Variants in SH3TC1 observed in about 807,000 individuals in gnomAD.
The protein encoded by SH3TC1 is SH3 domain and tetratricopeptide repeats 1.
Under a neutral mutation model 117.3 loss-of-function variants are expected in SH3TC1, and 135 were observed. The ratio of observed to expected loss-of-function variants is 1.15; its 90% CI spans 1.00 to 1.33. SH3TC1 has a LOEUF of 1.33. Among genes scored for constraint, SH3TC1 ranks in the 40% most tolerant of loss-of-function variants. The pLI is 0.00. For synonymous variants in SH3TC1, 898 were observed against 816.9 expected (o/e 1.10, Z -1.69); for missense variants, 2,092 against 1,794.3 (o/e 1.17, Z -3.00).
upstream of SH3TC1, among the ~76,000 whole-genome samples, chr4:8,195,350 C>T (rs138392543): frequency 1.2e-3 from 186 of 152,218 alleles, no homozygotes; most frequent in Non-Finnish European, 2.2e-3. Flanking sequence ...AGCTGGGGTT[C>T]GGACAGGTCC....
At position 8,219,313 on chromosome 4, in the gene SH3TC1, A is replaced by C. The variant is rs201543520; in HGVS notation, c.917-22A>C. 2.6e-6 allele frequency: 4 copies of C among 1,559,842 alleles called. No individual in the cohort carries two copies. The South Asian group carries it at 3.6e-5, about 14-fold the overall frequency. ...CCCCCATTTGGTCTCCCTGGCACTC[A>C]CCATGTGGCTTTCTTCCGCAGCTGT... On this transcript the variant is annotated intron_variant, in intron 8 of 17. Transcript: ENST00000245105.
chr4:8,227,374 C>T lies in SH3TC1; in HGVS notation c.1680C>T (p.Ala560=). Residue 560 remains alanine (A), a synonymous_variant, in exon 12 of 18, where the codon GCC becomes GCT. Coordinates refer to ENST00000245105, the MANE Select transcript of SH3TC1 (RefSeq NM_018986.5). ...AKKAGLLMAL[A]RLCFLLGRLC... is the part of the protein sequence containing the mutation. Reference sequence around the variant, plus strand: ...AAGCTGGCCTCCTCATGGCCCTGGCCAGGCTCTGCTTCCTCCTGGGGCGGC... The same window carrying T: ...AAGCTGGCCTCCTCATGGCCCTGGCTAGGCTCTGCTTCCTCCTGGGGCGGC... The T allele has an allele frequency of 6.4e-7, 1 of 1,567,958 alleles. No individual in the cohort carries two copies. Among genetic ancestry groups the T allele is most frequent in the African/African-American group, 1.4e-5 (1 of 73,618 alleles).
At chr4:8,229,352 C>G in intron 12 of SH3TC1, 1 of 146,284 alleles carries the variant, frequency 6.8e-6, no homozygotes, top group Admixed American at 6.9e-5. Context: ...TCAAGTAATA[C>G]GTGGTGGGTG....
In SH3TC1 at chr4:8,216,099, T is replaced by C; in HGVS notation, c.482-12T>C. On this transcript the variant is annotated splice_polypyrimidine_tract_variant and intron_variant, in intron 5 of 17. Coordinates refer to ENST00000245105, the MANE Select transcript of SH3TC1 (RefSeq NM_018986.5). ...TCTGGAGCCCTCGGGTGACTGGGCC[T>C]GGCCTCCACAGGCTTCACTCATCAC... is the stretch of plus-strand genomic sequence containing the variant. The C allele has an allele frequency of 4.3e-6, 7 of 1,612,244 alleles. No homozygotes were observed. In the South Asian group the frequency reaches 6.6e-5, roughly 15 times the overall value.
intron 17 of SH3TC1, among the ~76,000 whole-genome samples, chr4:8,237,918 C>G (rs1431699295): frequency 6.6e-6 from 1 of 152,102 alleles, no homozygotes; most frequent in African/African-American, 2.4e-5. Flanking sequence ...ATGGTGGCCT[C>G]TCGGTAAAGA....
chr4:8,213,373 CTCCGCT>C, intron 4 of SH3TC1: 1 of 154,040 alleles, frequency 6.5e-6, no homozygotes, highest in East Asian at 1.9e-4. Flanking sequence ...CCTCTGTGAA[CTCCGCT>C]TCCTCAGCCA....
Position 8,241,080 on chromosome 4 carries a change from G to C in SH3TC1, c.*125G>C. The C allele has an allele frequency of 7.3e-7, 1 of 1,367,746 alleles. No homozygotes were observed. The highest frequency in any genetic ancestry group is 1.4e-5 in the South Asian group (1 of 69,194). The allele number at this position is 1,367,746 out of a possible 1,614,324, so 84.7% of individuals were successfully genotyped here. On this transcript the variant is annotated 3_prime_UTR_variant, in exon 18 of 18. Coordinates refer to ENST00000245105, the MANE Select transcript of SH3TC1 (RefSeq NM_018986.5). ...CGCAGGGGCCAAATAGCAATAAATG[G>C]GTTTTGTTTTTTTTTTGCAATAACT...
In SH3TC1 at chr4:8,225,262, C is replaced by T; in HGVS notation, c.1285+46C>T. The T allele has an allele frequency of 6.3e-7, 1 of 1,594,064 alleles. No individual in the cohort carries two copies. The highest frequency in any genetic ancestry group is 1.7e-4 in the Middle Eastern group (1 of 5,934). ...AGGCTTCCTCTGGTTATGAGCTGGG[C>T]CTTGGGGTAACGCTGGGGGAGGTGA... On this transcript the variant is annotated intron_variant, in intron 11 of 17. Transcript: ENST00000245105. The surrounding 1 kb of genome is among the most constrained non-coding windows in gnomAD (Gnocchi z 5.5).
rs1483130062 is a variant in SH3TC1 at position 8,228,639 on chromosome 4, T to C, written c.2945T>C (p.Val982Ala). ...ALLVAVEMGH[V>A]ESQLRAVQRL... ...CTGGTCGCCGTGGAGATGGGCCACG[T>C]GGAGAGTGAGTGCCCCAGTTCCTTC... Residue 982 changes from valine (V) to alanine (A), a missense_variant, in exon 12 of 18, where the codon GTG becomes GCG. Val to Ala is a moderately conservative substitution (Grantham distance 64, BLOSUM62 0). Coordinates refer to ENST00000245105, the MANE Select transcript of SH3TC1 (RefSeq NM_018986.5). 4.0e-6 allele frequency: 6 copies of C among 1,497,102 alleles called. No homozygotes were observed. The highest frequency in any genetic ancestry group is 5.3e-6 in the Non-Finnish European group (6 of 1,124,812). The allele number at this position is 1,497,102 out of a possible 1,614,324, so 92.7% of individuals were successfully genotyped here. A position where few individuals can be genotyped will look rare whatever the true frequency, so the allele number is the denominator to read the frequency against.
intron 17 of SH3TC1, among the ~76,000 whole-genome samples, chr4:8,239,095 G>A (rs149194943): frequency 3.2e-4 from 49 of 152,294 alleles, no homozygotes; most frequent in African/African-American, 1.1e-3. Context: ...CATCTTTGCC[G>A]ATTGCCTCTA....
Position 8,241,021 on chromosome 4 carries a change from CG to C in SH3TC1, c.*68del. ...GGTCTCCTGCCTCTCCTGGTGTCGC[CG>C]GTGGCTCATTTTCTGGCAAATGGAG... On this transcript the variant is annotated 3_prime_UTR_variant, in exon 18 of 18. Coordinates refer to ENST00000245105, the MANE Select transcript of SH3TC1 (RefSeq NM_018986.5). 1.3e-6 allele frequency: 2 copies of C among 1,567,834 alleles called. No individual in the cohort carries two copies. The highest frequency in any genetic ancestry group is 2.2e-5 in the South Asian group (2 of 88,938).
intron 12 of SH3TC1, among the ~76,000 whole-genome samples, chr4:8,230,930 C>A (rs1268807610): frequency 6.6e-6 from 1 of 152,136 alleles, no homozygotes; most frequent in Non-Finnish European, 1.5e-5. Flanking sequence ...CAGACATGCA[C>A]CACCACACCC....
upstream of SH3TC1, among the ~76,000 whole-genome samples, chr4:8,198,093 A>G (rs921826847): frequency 6.6e-6 from 1 of 152,062 alleles, no homozygotes; most frequent in Non-Finnish European, 1.5e-5. Context: ...CCTCCAGTGC[A>G]CAGGACAGCC....
chr4:8,188,930 G>A lies in SH3TC1; in HGVS notation c.-57+6720G>A, dbSNP rs560584814. The stretch of plus-strand genomic sequence containing the variant: ...GCCAGTGCTGTAGCCAGATCCTGCC[G>A]GGCACTGCTCACAGGCACACGTGGC... On this transcript the variant is annotated intron_variant, in intron 1 of 16. Coordinates refer to the SH3TC1 transcript ENST00000508641. Among the ~76,000 whole-genome samples, 124 of 152,340 alleles carry A rather than the reference G, an allele frequency of 8.1e-4. 1 individual carries two copies. The highest frequency in any genetic ancestry group is 2.7e-3 in the African/African-American group (114 of 41,580).
chr4:8,198,817 G>A (rs1462078635), upstream of SH3TC1, among the ~76,000 whole-genome samples: 1 of 152,240 alleles, frequency 6.6e-6, no homozygotes, highest in African/African-American at 2.4e-5. Flanking sequence ...GCGTTTGTGT[G>A]CATACGTGTG....
In SH3TC1 at chr4:8,183,531, C is replaced by T. The variant is rs761261318; in HGVS notation, c.-57+1321C>T. Among the ~76,000 whole-genome samples the T allele has an allele frequency of 6.6e-6, 1 of 152,228 alleles. No individual in the cohort carries two copies. Among genetic ancestry groups the T allele is most frequent in the Non-Finnish European group, 1.5e-5 (1 of 68,044 alleles). On this transcript the variant is annotated intron_variant, in intron 1 of 16. Transcript: ENST00000508641. The surrounding 1 kb of genome is among the most constrained non-coding windows in gnomAD (Gnocchi z 5.4). The stretch of plus-strand genomic sequence containing the variant: ...AGGCTTGGCTGGGATCCCGCAGTGA[C>T]GCTTGGGTGTCTTTGGGCCTTAAAA...
In SH3TC1 at chr4:8,227,908, G is replaced by GGGCTCGCTGGCC; in HGVS notation, c.2224_2235dup (p.Ala742_Leu745dup). 1.2e-6 allele frequency: 2 copies of GGGCTCGCTGGCC among 1,612,778 alleles called. No individual in the cohort carries two copies. Among genetic ancestry groups the GGGCTCGCTGGCC allele is most frequent in the South Asian group, 1.1e-5 (1 of 91,084 alleles). ...TCAAGGTGGCCTCATTGCGGACACGGGGCTCGCTGGCCGGCTCGCTGAGGA... is the reference window on the plus strand; with the variant it reads ...TCAAGGTGGCCTCATTGCGGACACGGGGCTCGCTGGCCGGCTCGCTGGCCGGCTCGCTGAGGA... On this transcript the variant is annotated inframe_insertion, in exon 12 of 18. Transcript: ENST00000245105.
At chr4:8,212,875 G>C (rs572093415) in intron 4 of SH3TC1, 47 bp downstream of exon 4, 3 of 1,497,996 alleles carry the variant, frequency 2.0e-6, no homozygotes, top group African/African-American at 2.8e-5. Context: ...CTGGAGTCAG[G>C]GGGAGGGAGG....
intron 1 of SH3TC1, among the ~76,000 whole-genome samples, chr4:8,185,810 G>A (rs1717202685): frequency 1.3e-5 from 2 of 152,330 alleles, no homozygotes; most frequent in South Asian, 4.1e-4. Flanking sequence ...TCATCTGCAG[G>A]GTGAACTCCC....
Sources: allele counts gnomAD v4.1 joint callset (sites outside exome capture counted in the v4.1 genomes callset), GRCh38; gene constraint gnomAD v4.1.1; non-coding constraint Gnocchi (gnomAD v3.1); transcripts MANE v1.5; gene names NCBI Gene and HGNC (gene_info 2026-07-23, HGNC 2026-07-21).